DNAH2: variants seen among roughly 807,000 people sequenced by gnomAD.
The protein encoded by DNAH2 is axonemal beta dynein heavy chain 2.
In DNAH2, 323 loss-of-function variants were observed where a neutral mutation model predicts 523.5. The observed-to-expected ratio is 0.62, with a 90% CI of 0.56 to 0.68. The LOEUF (loss-of-function observed/expected upper bound fraction) is 0.68, where lower values mean the gene tolerates loss of function less well. Among genes scored for constraint, DNAH2 ranks in the 30% least tolerant of loss-of-function variants. The pLI, the probability that DNAH2 is intolerant of heterozygous loss-of-function variation, is 0.00. For missense variants in DNAH2, 4,907 were observed against 5,701.5 expected (o/e 0.86, Z 4.49); for synonymous variants, 2,093 against 2,177.4 (o/e 0.96, Z 1.08).
At chr17:7,752,434 C>A (rs969592708) in intron 12 of DNAH2, among the ~76,000 whole-genome samples, 1 of 152,116 alleles carries the variant, frequency 6.6e-6, no homozygotes, top group South Asian at 2.1e-4. Flanking sequence ...GTTCAGGCCG[C>A]GCGCGGTGGC....
Position 7,768,237 on chromosome 17 carries a change from C to T in DNAH2, c.3911C>T (p.Ser1304Leu). 6.2e-7 allele frequency: 1 copy of T among 1,614,198 alleles called. No individual in the cohort carries two copies. The highest frequency in any genetic ancestry group is 8.5e-7 in the Non-Finnish European group (1 of 1,180,040). Reference sequence around the variant, plus strand: ...TTCAAGAGGACCATGCCTCTCATCTCAGACCTGCGGAACCCTGCCCTTAGA... The same window carrying T: ...TTCAAGAGGACCATGCCTCTCATCTTAGACCTGCGGAACCCTGCCCTTAGA... ...EQFKRTMPLISDLRNPALRER... is the reference protein window; with the variant it reads ...EQFKRTMPLILDLRNPALRER... The change falls in exon 24 of 86, where the codon TCA (serine) becomes TTA (leucine). Residue 1304 changes from serine to leucine, a missense_variant. Ser to Leu is a moderately radical substitution (Grantham distance 145, BLOSUM62 -2). Transcript: ENST00000572933.
rs779722137 is a variant in DNAH2, at chr17:7,734,586, A to G, written c.856A>G (p.Met286Val). Residue 286 changes from methionine to valine, a missense_variant, in exon 7 of 86, where the codon ATG becomes GTG. Met to Val is a conservative substitution (Grantham distance 21). This residue lies in a region of DNAH2 where 2,806 missense variants were observed against 3,190.8 expected (regional missense o/e 0.88). Transcript: ENST00000572933. ...GATTGAGTTCTGGCGCAACCGATGCATGGACCTGTCTGGCATCAGTAAGCA... is the reference window on the plus strand; with the variant it reads ...GATTGAGTTCTGGCGCAACCGATGCGTGGACCTGTCTGGCATCAGTAAGCA... ...EEIEFWRNRCMDLSGISKQLV... is the reference protein window; with the variant it reads ...EEIEFWRNRCVDLSGISKQLV... 10 of 1,613,754 alleles carry G rather than the reference A, an allele frequency of 6.2e-6. No homozygotes were observed. The highest frequency in any genetic ancestry group is 1.6e-4 in the Middle Eastern group (1 of 6,062).
rs567632016 is a variant in DNAH2 at position 7,831,354 on chromosome 17, A to C, written c.12460-36A>C. On this transcript the variant is annotated intron_variant, in intron 80 of 85. Coordinates refer to ENST00000572933, the MANE Select transcript of DNAH2 (RefSeq NM_020877.5). The surrounding 1 kb of genome is among the most constrained non-coding windows in gnomAD (Gnocchi z 4.2). The stretch of plus-strand genomic sequence containing the variant: ...GCCTGGGGGAGGGAAAGTGATGAGA[A>C]GAGGGGGCTACACTCAAGAGCTCCT... The C allele has an allele frequency of 8.1e-6, 13 of 1,614,002 alleles. No homozygotes were observed. Among genetic ancestry groups the C allele is most frequent in the Non-Finnish European group, 1.1e-5 (13 of 1,179,978 alleles).
intron 28 of DNAH2, among the ~76,000 whole-genome samples, chr17:7,773,119 A>G (rs1327694165): frequency 2.0e-5 from 3 of 152,196 alleles, no homozygotes; most frequent in Non-Finnish European, 4.4e-5. Context: ...TTGTACACAA[A>G]AAGGTCAAAA....
intron 2 of DNAH2, 90 bp downstream of exon 2, chr17:7,719,990 C>T (rs1047649564): frequency 1.4e-6 from 2 of 1,397,036 alleles, no homozygotes; most frequent in South Asian, 1.6e-5. Flanking sequence ...GGGGAGCAGG[C>T]GCTGTTGCTT....
Position 7,733,412 on chromosome 17 carries a change from G to A in DNAH2, c.628+97G>A, listed in dbSNP as rs896295274. On this transcript the variant is annotated intron_variant, in intron 5 of 85. Coordinates refer to ENST00000572933, the MANE Select transcript of DNAH2 (RefSeq NM_020877.5). ...TCCTTCGTCTGAGCACCTGTGTGGA[G>A]GAGGAAGTATTCAGCATGCTTATCG... is the stretch of plus-strand genomic sequence containing the variant. 6.1e-6 allele frequency: 7 copies of A among 1,153,566 alleles called. 1 individual carries two copies. In the Admixed American group the frequency reaches 6.2e-5, roughly 10 times the overall value. 71.5% of individuals were successfully genotyped at this position (1,153,566 alleles called of 1,614,324 possible). A position where few individuals can be genotyped will look rare whatever the true frequency, so the allele number is the denominator to read the frequency against.
intron 8 of DNAH2, chr17:7,737,963 A>G (rs1293337444): frequency 1.4e-6 from 1 of 702,954 alleles, no homozygotes; most frequent in Middle Eastern, 2.4e-4. Flanking sequence ...CCTTCTGCAG[A>G]TGAGCAATGA....
At chr17:7,779,493 A>G in intron 36 of DNAH2, 70 bp downstream of exon 36, 1 of 1,480,328 alleles carries the variant, frequency 6.8e-7, no homozygotes, top group Non-Finnish European at 9.2e-7. Context: ...ATAACTGCGC[A>G]TCCTCCTCTT....
chr17:7,817,170 G>C (rs2052713674), intron 64 of DNAH2, 120 bp from the exon 65 acceptor site: 1 of 1,368,378 alleles, frequency 7.3e-7, no homozygotes, highest in African/African-American at 1.4e-5. Context: ...ACAGGTTTAG[G>C]GGAGGGAAAG....
intron 2 of DNAH2, among the ~76,000 whole-genome samples, chr17:7,722,529 G>T (rs1199608966): frequency 1.3e-5 from 2 of 152,140 alleles, no homozygotes; most frequent in African/African-American, 4.8e-5. Flanking sequence ...TTGCATCAGA[G>T]CCTCGTCTTT....
intron 12 of DNAH2, among the ~76,000 whole-genome samples, chr17:7,745,477 C>A (rs1299090945): frequency 1.3e-5 from 2 of 152,092 alleles, no homozygotes; most frequent in Non-Finnish European, 2.9e-5. Flanking sequence ...ATATAACAAA[C>A]CTGCACATGT....
At chr17:7,806,347 A>G (rs965252167) in intron 61 of DNAH2, among the ~76,000 whole-genome samples, 1 of 152,110 alleles carries the variant, frequency 6.6e-6, no homozygotes, top group Non-Finnish European at 1.5e-5. Context: ...CTGTATATTA[A>G]CCAAAATTGT....
At chr17:7,777,188 A>T (rs2076479602) in intron 32 of DNAH2, among the ~76,000 whole-genome samples, 1 of 151,856 alleles carries the variant, frequency 6.6e-6, no homozygotes, top group Non-Finnish European at 1.5e-5. Context: ...GTGCTCTGCA[A>T]GTATGGGCTA....
At position 7,798,118 on chromosome 17, in the gene DNAH2, TC is replaced by T; in HGVS notation, c.8231-38del. 6.5e-7 allele frequency: 1 copy of T among 1,542,374 alleles called. No individual in the cohort carries two copies. The highest frequency in any genetic ancestry group is 8.8e-7 in the Non-Finnish European group (1 of 1,141,730). The stretch of plus-strand genomic sequence containing the variant: ...GGGCCTGGAGGTCCCCTGAGTTTGC[TC>T]AGCCAACTCATTACCCTCACACCCA... On this transcript the variant is annotated intron_variant, in intron 53 of 85. Transcript: ENST00000572933. This position sits in a 1 kb window ranked among gnomAD's most constrained non-coding sequence, Gnocchi z 5.5.
rs749461299 is a variant in DNAH2 at position 7,741,294 on chromosome 17, C to CTTTCTTTCTTTCT, written c.1689+304_1689+305insTCTTTCTTTCTTT. 5.9e-5 allele frequency among the ~76,000 whole-genome samples: 3 copies of CTTTCTTTCTTTCT among 51,202 alleles called. 1 individual carries two copies. Among genetic ancestry groups the CTTTCTTTCTTTCT allele is most frequent in the Non-Finnish European group, 9.9e-5 (3 of 30,190 alleles). 33.6% of individuals were successfully genotyped at this position (51,202 alleles called of 152,430 possible). Reference sequence around the variant, plus strand: ...TCTTTCTTTCTTTCTTTCTTTCTTTCTTCCTTCCTTCCCTCCCTCCCTCCC... The same window carrying CTTTCTTTCTTTCT: ...TCTTTCTTTCTTTCTTTCTTTCTTTCTTTCTTTCTTTCTTTCCTTCCTTCCCTCCCTCCCTCCC... On this transcript the variant is annotated intron_variant, in intron 11 of 85. Coordinates refer to ENST00000572933, the MANE Select transcript of DNAH2 (RefSeq NM_020877.5).
At position 7,824,104 on chromosome 17, in the gene DNAH2, A is replaced by G. The variant is rs2077949819; in HGVS notation, c.11479-17A>G. 2 of 1,560,368 alleles carry G rather than the reference A, an allele frequency of 1.3e-6. No homozygotes were observed. The highest frequency in any genetic ancestry group is 1.7e-6 in the Non-Finnish European group (2 of 1,155,410). ...CATGTGGCCTTCTGCCTGATGCTAT[A>G]CCTGTGCTTCTGGCAGGTGCTGGAG... On this transcript the variant is annotated splice_polypyrimidine_tract_variant and intron_variant, in intron 75 of 85. Transcript: ENST00000572933.
At position 7,754,384 on chromosome 17, in the gene DNAH2, A is replaced by AG; in HGVS notation, c.1905-2705dup. ...TAGGTGCTTCAGGAGCCGTGGCTTA[A>AG]GGTGCAGACATGGCCAAGTCCACAC... On this transcript the variant is annotated intron_variant, in intron 12 of 85. Transcript: ENST00000572933. The surrounding 1 kb of genome is among the most constrained non-coding windows in gnomAD (Gnocchi z 4.6). The AG allele has an allele frequency of 1.9e-6, 1 of 534,882 alleles. No homozygotes were observed. Among genetic ancestry groups the AG allele is most frequent in the Non-Finnish European group, 3.3e-6 (1 of 301,268 alleles). The allele number at this position is 534,882 out of a possible 1,614,324, so 33.1% of individuals were successfully genotyped here.
At position 7,722,949 on chromosome 17, in the gene DNAH2, C is replaced by G. The variant is rs566099499; in HGVS notation, c.167-679C>G. On this transcript the variant is annotated intron_variant, in intron 2 of 85. Coordinates refer to ENST00000572933, the MANE Select transcript of DNAH2 (RefSeq NM_020877.5). ...GTGTTTAGCTTTCTTTCTTTTCTTT[C>G]TTTTCTTTTCTTTCCTTTTTTTTTT... Among the ~76,000 whole-genome samples, 28 of 138,240 alleles carry G rather than the reference C, an allele frequency of 2.0e-4. 1 individual carries two copies. The South Asian group carries it at 6.4e-3, about 32-fold the overall frequency. 90.7% of individuals were successfully genotyped at this position (138,240 alleles called of 152,430 possible).
At position 7,779,305 on chromosome 17, in the gene DNAH2, G is replaced by A. The variant is rs1342501669; in HGVS notation, c.5604G>A (p.Val1868=). Reference sequence around the variant, plus strand: ...TCAACATCGAGGTGCTGTCAGTGGTGGCCCACCAGATCCTGTGCATCCTGT... The same window carrying A: ...TCAACATCGAGGTGCTGTCAGTGGTAGCCCACCAGATCCTGTGCATCCTGT... ...NRINIEVLSV[V]AHQILCILSA... is the part of the protein sequence containing the mutation. Residue 1868 remains valine (V), a synonymous_variant, in exon 36 of 86, where the codon GTG becomes GTA. Transcript: ENST00000572933. 4.3e-6 allele frequency: 7 copies of A among 1,614,056 alleles called. No homozygotes were observed. Among genetic ancestry groups the A allele is most frequent in the Non-Finnish European group, 5.9e-6 (7 of 1,180,046 alleles).
Sources: gnomAD v4.1 joint callset for allele counts (sites outside exome capture counted in the v4.1 genomes callset) on GRCh38, gnomAD v4.1.1 for gene constraint, gnomAD v4.1.1 regional missense constraint, Gnocchi (gnomAD v3.1) non-coding constraint, MANE v1.5 for transcripts, NCBI Gene and HGNC (gene_info 2026-07-23, HGNC 2026-07-21) for gene names.